Variants in CEP250 observed in about 807,000 individuals in gnomAD.
CEP250 encodes the protein centrosomal protein 250, also known as centrosome-associated protein CEP250.
A neutral mutation model predicts 315.7 loss-of-function variants in CEP250; 242 were observed. The ratio of observed to expected loss-of-function variants is 0.77; its 90% CI spans 0.69 to 0.85. The LOEUF is 0.85. Among genes scored for constraint, CEP250 ranks in the 40% least tolerant of loss-of-function variants. The pLI is 0.00. For synonymous variants in CEP250, 1,088 were observed against 1,175.0 expected (o/e 0.93, Z 1.51); for missense variants, 2,515 against 2,886.4 (o/e 0.87, Z 2.95).
At chr20:35,500,303 C>T in intron 28 of CEP250, 134 bp downstream of exon 28, 4 of 1,144,776 alleles carry the variant, frequency 3.5e-6, no homozygotes, top group African/African-American at 3.1e-5. Context: ...CACTCTGTCA[C>T]TCAGGTTTGA....
At chr20:35,491,675 G>A (rs997294941) in intron 22 of CEP250, among the ~76,000 whole-genome samples, 8 of 152,138 alleles carry the variant, frequency 5.3e-5, no homozygotes, top group Admixed American at 2.0e-4. Flanking sequence ...GGCTGAGGCG[G>A]ACAGATCAGT....
At position 35,497,705 on chromosome 20, in the gene CEP250, T is replaced by A; in HGVS notation, c.3307-14T>A. Reference sequence around the variant, plus strand: ...CGCTTCCTGCTTATATTATGTAAAATTCTTCCTTGACAGATGGAATTACTA... The same window carrying A: ...CGCTTCCTGCTTATATTATGTAAAAATCTTCCTTGACAGATGGAATTACTA... On this transcript the variant is annotated splice_polypyrimidine_tract_variant and intron_variant, in intron 25 of 34. Transcript: ENST00000397527. 1.3e-6 allele frequency: 2 copies of A among 1,528,308 alleles called. No homozygotes were observed. The highest frequency in any genetic ancestry group is 1.8e-6 in the Non-Finnish European group (2 of 1,131,822). The allele number at this position is 1,528,308 out of a possible 1,614,324, so 94.7% of individuals were successfully genotyped here. A position where few individuals can be genotyped will look rare whatever the true frequency, so the allele number is the denominator to read the frequency against.
intron 3 of CEP250, among the ~76,000 whole-genome samples, chr20:35,461,456 G>C (rs1463953540): frequency 6.6e-6 from 1 of 152,218 alleles, no homozygotes; most frequent in African/African-American, 2.4e-5. Context: ...CGTTAGGCTG[G>C]CCGCCTCTGC....
At chr20:35,474,792 AG>A in intron 14 of CEP250, 1 of 471,164 alleles carries the variant, frequency 2.1e-6, no homozygotes, top group Non-Finnish European at 4.4e-6. Context: ...TTTACCTTGA[AG>A]GGTTGCTGGG....
rs1274493294 is a variant in CEP250, at chr20:35,472,806, T to G, written c.1184T>G (p.Leu395Arg). The G allele has an allele frequency of 6.2e-7, 1 of 1,614,116 alleles. No individual in the cohort carries two copies. The highest frequency in any genetic ancestry group is 8.5e-7 in the Non-Finnish European group (1 of 1,180,042). The change falls in exon 12 of 35, where the codon CTG (leucine) becomes CGG (arginine). Residue 395 changes from leucine (L) to arginine (R), a missense_variant. Coordinates refer to ENST00000397527, the MANE Select transcript of CEP250 (RefSeq NM_007186.6). ...DKALTLVRSV[L>R]TRRRQAVQDL... ...GCTCTTACTCTGGTGCGTTCAGTGCTGACTCGGAGACGCCAGGCTGTGCAG... is the reference window on the plus strand; with the variant it reads ...GCTCTTACTCTGGTGCGTTCAGTGCGGACTCGGAGACGCCAGGCTGTGCAG...
At position 35,497,949 on chromosome 20, in the gene CEP250, G is replaced by GGCCCAT. The variant is rs1568821413; in HGVS notation, c.3542_3543insTGCCCA (p.Ala1180_Gln1181insHisAla). ...AGCCCGGGAACCAGGCCCAGGCCCA[G>GGCCCAT]GCCCAGCTGGCCAGCCTCTACTCTG... On this transcript the variant is annotated inframe_insertion, in exon 26 of 35. Coordinates refer to ENST00000397527, the MANE Select transcript of CEP250 (RefSeq NM_007186.6). 1 of 1,612,438 alleles carries GGCCCAT rather than the reference G, an allele frequency of 6.2e-7. No individual in the cohort carries two copies. The highest frequency in any genetic ancestry group is 1.3e-5 in the African/African-American group (1 of 75,044).
intron 1 of CEP250, among the ~76,000 whole-genome samples, chr20:35,456,796 T>C (rs2062638905): frequency 6.6e-6 from 1 of 151,770 alleles, no homozygotes; most frequent in Non-Finnish European, 1.5e-5. Context: ...CTTTTTTTTT[T>C]TTTTTTGAGA....
chr20:35,475,139 A>G (rs1410747826), intron 14 of CEP250, among the ~76,000 whole-genome samples: 2 of 152,208 alleles, frequency 1.3e-5, no homozygotes, highest in Admixed American at 1.3e-4. Context: ...TTGAGGCTTC[A>G]GTGAGCTAAG....
intron 14 of CEP250, 60 bp from the exon 15 acceptor site, chr20:35,475,442 C>T: frequency 1.3e-6 from 2 of 1,549,614 alleles, no homozygotes. Flanking sequence ...ATTCCTGTTA[C>T]CTTTGGGGTT....
rs2064121777 is a variant in CEP250 at position 35,504,411 on chromosome 20, G to T, written c.6042G>T (p.Gln2014His). The T allele has an allele frequency of 6.2e-7, 1 of 1,607,224 alleles. No individual in the cohort carries two copies. The highest frequency in any genetic ancestry group is 8.5e-7 in the Non-Finnish European group (1 of 1,176,882). ...ATGCCTGCCAGGCACACAGTCGGCA[G>T]CTGGAGGAGGCTCTGAGGATACAAG... is the stretch of plus-strand genomic sequence containing the variant. ...SLDACQAHSRQLEEALRIQEG... is the reference protein window; with the variant it reads ...SLDACQAHSRHLEEALRIQEG... The change falls in exon 30 of 35, where the codon CAG (glutamine) becomes CAT (histidine). Residue 2014 changes from glutamine (Q) to histidine (H), a missense_variant. Transcript: ENST00000397527.
rs56259282 is a variant in CEP250 at position 35,504,248 on chromosome 20, G to A, written c.5879G>A (p.Arg1960Gln). The A allele has an allele frequency of 0.01, 16,068 of 1,600,228 alleles. 105 individuals carry two copies. The highest frequency in any genetic ancestry group is 0.012 in the Non-Finnish European group (13,542 of 1,173,912). ...QSSRHQEEAARARAEALQEAL... is the reference protein window; with the variant it reads ...QSSRHQEEAAQARAEALQEAL... ...TCCCGGCATCAGGAGGAGGCTGCCC[G>A]GGCCCGGGCTGAGGCTCTGCAGGAG... The change falls in exon 30 of 35, where the codon CGG (arginine) becomes CAG (glutamine). Residue 1960 changes from arginine (R) to glutamine (Q), a missense_variant. By Grantham distance (43) the Arg-to-Gln change is conservative (BLOSUM62 1). Coordinates refer to ENST00000397527, the MANE Select transcript of CEP250 (RefSeq NM_007186.6).
chr20:35,493,612 CA>C (rs2063758219), intron 23 of CEP250, 40 bp downstream of exon 23: 2 of 1,472,336 alleles, frequency 1.4e-6, no homozygotes, highest in Non-Finnish European at 1.8e-6. Flanking sequence ...GGTCCTTCCC[CA>C]ACACAGCCAG....
chr20:35,494,359 G>A, intron 23 of CEP250, 165 bp from the exon 24 acceptor site: 1 of 817,270 alleles, frequency 1.2e-6, no homozygotes, highest in Non-Finnish European at 1.9e-6. Flanking sequence ...TATTGAGGAA[G>A]GGGGTGGTTA....
At chr20:35,470,579 G>A (rs959251915) in intron 10 of CEP250, among the ~76,000 whole-genome samples, 1 of 152,006 alleles carries the variant, frequency 6.6e-6, no homozygotes, top group Non-Finnish European at 1.5e-5. Flanking sequence ...CAGAAACCCC[G>A]TCTCTACTAA....
In CEP250 at chr20:35,501,935, G is replaced by A. The variant is rs763131798; in HGVS notation, c.3989G>A (p.Arg1330Gln). ...ETMASLQSRL[R>Q]RAELQRMEAQ... ...ATGGCATCCTTACAGAGTCGCCTGC[G>A]GAGAGCAGAGCTACAGCGAATGGAA... The change falls in exon 29 of 35, where the codon CGG becomes CAG. Residue 1330 changes from arginine to glutamine, a missense_variant. By Grantham distance (43) the Arg-to-Gln change is conservative. Transcript: ENST00000397527. 1.4e-5 allele frequency: 23 copies of A among 1,613,142 alleles called. No homozygotes were observed. In the East Asian group the frequency reaches 3.6e-4, roughly 25 times the overall value.
intron 18 of CEP250, 33 bp from the exon 19 acceptor site, chr20:35,479,613 G>A (rs758777739): frequency 5.6e-6 from 9 of 1,612,160 alleles, no homozygotes; most frequent in Non-Finnish European, 7.6e-6. Flanking sequence ...GGCTTGATGG[G>A]TAAGAAACTC....
rs542578066 is a variant in CEP250, at chr20:35,490,883, G to A, written c.2754+79G>A. ...TGACCACTTCCTTTTCTACTCCCAA[G>A]AGGAGTGCTGCAGAGGGGCTTCCAG... On this transcript the variant is annotated intron_variant, in intron 21 of 34. Transcript: ENST00000397527. 7.9e-6 allele frequency: 12 copies of A among 1,521,862 alleles called. No individual in the cohort carries two copies. In the East Asian group the frequency reaches 2.0e-4, roughly 26 times the overall value. The allele number at this position is 1,521,862 out of a possible 1,614,324, so 94.3% of individuals were successfully genotyped here.
intron 13 of CEP250, 60 bp downstream of exon 13, chr20:35,473,612 C>T: frequency 6.7e-7 from 1 of 1,487,536 alleles, no homozygotes; most frequent in Non-Finnish European, 9.0e-7. Flanking sequence ...AGTCACCATC[C>T]AGCCATTTAC....
At chr20:35,508,230 T>A in intron 32 of CEP250, 40 bp downstream of exon 32, 1 of 1,605,874 alleles carries the variant, frequency 6.2e-7, no homozygotes, top group Non-Finnish European at 8.5e-7. Flanking sequence ...CATCTCCACT[T>A]CTCGTGTGGT....
Sources: gnomAD v4.1 joint callset for allele counts (sites outside exome capture counted in the v4.1 genomes callset) on GRCh38, gnomAD v4.1.1 for gene constraint, MANE v1.5 for transcripts, NCBI Gene and HGNC (gene_info 2026-07-23, HGNC 2026-07-21) for gene names.